TYR: variants seen among roughly 807,000 people sequenced by gnomAD.
The protein encoded by TYR is LB24-AB.
Under a neutral mutation model 51.5 loss-of-function variants are expected in TYR, and 58 were observed. The observed-to-expected ratio is 1.13, with a 90% CI of 0.91 to 1.40. TYR has a LOEUF of 1.40. Ranked by LOEUF, TYR falls within the 40% of genes most tolerant of loss-of-function variation. TYR has a pLI of 0.00. For synonymous variants in TYR, 263 were observed against 235.2 expected (o/e 1.12, Z -1.08); for missense variants, 732 against 647.4 (o/e 1.13, Z -1.42).
intron 3 of TYR, among the ~76,000 whole-genome samples, chr11:89,252,772 C>T (rs34947445): frequency 0.23 from 35,256 of 151,452 alleles, 7,301 homozygotes; most frequent in African/African-American, 0.56. Flanking sequence ...AGAATAAGAT[C>T]GGGGACGTAA....
At position 89,212,387 on chromosome 11, in the gene TYR, G is replaced by A. The variant is rs1225566465; in HGVS notation, c.1037-15436G>A. Among the ~76,000 whole-genome samples the A allele has an allele frequency of 3.3e-5, 5 of 152,094 alleles. 1 individual carries two copies. Among genetic ancestry groups the A allele is most frequent in the Admixed American group, 1.3e-4 (2 of 15,260 alleles). ...ATACACCCTCCCAAGACTAAACCAGGAAGAAGTTGAATCTCTGAATAGACC... is the reference window on the plus strand; with the variant it reads ...ATACACCCTCCCAAGACTAAACCAGAAAGAAGTTGAATCTCTGAATAGACC... On this transcript the variant is annotated intron_variant, in intron 2 of 4. Coordinates refer to ENST00000263321, the MANE Select transcript of TYR (RefSeq NM_000372.5).
intron 2 of TYR, among the ~76,000 whole-genome samples, chr11:89,203,670 C>A (rs886732000): frequency 6.6e-6 from 1 of 152,032 alleles, no homozygotes; most frequent in African/African-American, 2.4e-5. Flanking sequence ...GATGGTGAGT[C>A]CCCTGGGTTT....
chr11:89,188,864 G>C (rs186894879), intron 1 of TYR, among the ~76,000 whole-genome samples: 3 of 151,938 alleles, frequency 2.0e-5, no homozygotes, highest in African/African-American at 7.2e-5. Flanking sequence ...TGAAGTTATA[G>C]AAGAGAGGGA....
intron 2 of TYR, among the ~76,000 whole-genome samples, chr11:89,193,872 C>T (rs199858296): frequency 7.0e-5 from 3 of 43,070 alleles, no homozygotes; most frequent in Non-Finnish European, 1.2e-4. Flanking sequence ...TATCCTGTTT[C>T]TCTCTCTCTC....
chr11:89,284,622 T>C, intron 3 of TYR, 151 bp from the exon 4 acceptor site: 1 of 709,738 alleles, frequency 1.4e-6, no homozygotes, highest in Non-Finnish European at 2.4e-6. Flanking sequence ...AAACTAATAC[T>C]TTACGAAATA....
At chr11:89,194,776 G>T (rs1943493595) in intron 2 of TYR, among the ~76,000 whole-genome samples, 1 of 151,990 alleles carries the variant, frequency 6.6e-6, no homozygotes, top group South Asian at 2.1e-4. Context: ...GTGTTCCAAT[G>T]GTTCCAGAAT....
chr11:89,228,355 G>A (rs1236965675), intron 3 of TYR, among the ~76,000 whole-genome samples: 1 of 152,152 alleles, frequency 6.6e-6, no homozygotes. Context: ...GCTACAGGAT[G>A]CCCTGAGGTA....
intron 3 of TYR, among the ~76,000 whole-genome samples, chr11:89,282,776 A>G (rs1944734270): frequency 6.6e-6 from 1 of 151,764 alleles, no homozygotes; most frequent in Non-Finnish European, 1.5e-5. Flanking sequence ...AATACTAACC[A>G]TCACTAAAGG....
intron 3 of TYR, among the ~76,000 whole-genome samples, chr11:89,236,358 T>C (rs1944113875): frequency 6.6e-6 from 1 of 152,142 alleles, no homozygotes; most frequent in African/African-American, 2.4e-5. Flanking sequence ...GTAGAGAGAA[T>C]GTCATTCTGT....
intron 3 of TYR, among the ~76,000 whole-genome samples, chr11:89,239,723 G>A (rs1251836822): frequency 1.3e-5 from 2 of 151,952 alleles, no homozygotes; most frequent in African/African-American, 2.4e-5. Context: ...CATCCCATAA[G>A]TTTTAGTAGT....
rs952552156 is a variant in TYR, at chr11:89,234,496, G to A, written c.1184+6526G>A. ...ACAAGAGGCCTAGCTTTCAGCCTAC[G>A]TGAGCTTTCAACATGCCTTCCTCAC... On this transcript the variant is annotated intron_variant, in intron 3 of 4. Transcript: ENST00000263321. Among the ~76,000 whole-genome samples the A allele has an allele frequency of 3.1e-4, 45 of 143,546 alleles. 4 individuals are homozygous for A. The highest frequency in any genetic ancestry group is 2.3e-4 in the South Asian group (1 of 4,382). The allele number at this position is 143,546 out of a possible 152,430, so 94.2% of individuals were successfully genotyped here. A position where few individuals can be genotyped will look rare whatever the true frequency, so the allele number is the denominator to read the frequency against.
chr11:89,247,824 G>A (rs1944285434), intron 3 of TYR, among the ~76,000 whole-genome samples: 1 of 152,166 alleles, frequency 6.6e-6, no homozygotes, highest in African/African-American at 2.4e-5. Context: ...TATTTAGGCA[G>A]ACAGAAGCAG....
At chr11:89,219,153 T>C (rs1349315029) in intron 2 of TYR, among the ~76,000 whole-genome samples, 1 of 152,178 alleles carries the variant, frequency 6.6e-6, no homozygotes, top group Non-Finnish European at 1.5e-5. Flanking sequence ...CACACTGTAA[T>C]TTTCTAGCCC....
chr11:89,222,598 G>T (rs1402774081), intron 2 of TYR, among the ~76,000 whole-genome samples: 1 of 152,116 alleles, frequency 6.6e-6, no homozygotes, highest in Non-Finnish European at 1.5e-5. Flanking sequence ...AATTAGCCAG[G>T]CATGCTGGCT....
chr11:89,234,346 C>G (rs1944085361), intron 3 of TYR, among the ~76,000 whole-genome samples: 1 of 143,838 alleles, frequency 7.0e-6, no homozygotes, highest in Non-Finnish European at 1.5e-5. Context: ...ATCCAGACCA[C>G]TAAAATTTTC....
At chr11:89,280,417 C>A (rs914583514) in intron 3 of TYR, among the ~76,000 whole-genome samples, 2 of 151,436 alleles carry the variant, frequency 1.3e-5, no homozygotes, top group African/African-American at 4.8e-5. Context: ...TTTTCTTGGC[C>A]ATATCAATGT....
At position 89,191,328 on chromosome 11, in the gene TYR, G is replaced by A. The variant is rs768208778; in HGVS notation, c.946G>A (p.Ala316Thr). 2 of 1,613,642 alleles carry A rather than the reference G, an allele frequency of 1.2e-6. No homozygotes were observed. Among genetic ancestry groups the A allele is most frequent in the African/African-American group, 2.7e-5 (2 of 74,870 alleles). Residue 316 changes from alanine to threonine, a missense_variant, in exon 2 of 5, where the codon GCT becomes ACT. Coordinates refer to ENST00000263321, the MANE Select transcript of TYR (RefSeq NM_000372.5). ...CAGAACCCCAAGGCTCCCCTCTTCA[G>A]CTGATGTAGAATTTTGCCTGAGTTT... ...KSRTPRLPSS[A>T]DVEFCLSLTQ... is the part of the protein sequence containing the mutation.
chr11:89,247,712 C>T (rs1022037054), intron 3 of TYR, among the ~76,000 whole-genome samples: 1 of 152,148 alleles, frequency 6.6e-6, no homozygotes, highest in South Asian at 2.1e-4. Flanking sequence ...TGCCCAAAGG[C>T]ACACAGTTTT....
Position 89,186,688 on chromosome 11 carries a change from A to C in TYR, c.820-4514A>C, listed in dbSNP as rs543504531. ...CTTAGCACGGTGCACAGGTGATTAC[A>C]TATAGACCTCTCAGCCAGTATTATG... On this transcript the variant is annotated intron_variant, in intron 1 of 4. Coordinates refer to ENST00000263321, the MANE Select transcript of TYR (RefSeq NM_000372.5). Among the ~76,000 whole-genome samples, 3 of 152,290 alleles carry C rather than the reference A, an allele frequency of 2.0e-5. No individual in the cohort carries two copies. In the East Asian group the frequency reaches 5.8e-4, roughly 29 times the overall value.
Sources: allele counts gnomAD v4.1 joint callset (sites outside exome capture counted in the v4.1 genomes callset), GRCh38; gene constraint gnomAD v4.1.1; transcripts MANE v1.5; gene names NCBI Gene and HGNC (gene_info 2026-07-23, HGNC 2026-07-21).